Variants in SPAG9 observed in about 807,000 individuals in gnomAD.
SPAG9 encodes C-Jun-amino-terminal kinase-interacting protein 4.
Under a neutral mutation model 166.5 loss-of-function variants are expected in SPAG9, and 35 were observed. The ratio of observed to expected loss-of-function variants is 0.21; its 90% confidence interval spans 0.16 to 0.28. SPAG9 has a LOEUF of 0.28. SPAG9 is among the 10% of genes least tolerant of loss of function. The probability of loss-of-function intolerance (pLI) is 1.00; values close to 1 mark genes in which losing one functional copy is unlikely to be tolerated. For synonymous variants in SPAG9, 534 were observed against 565.5 expected, an observed-to-expected ratio of 0.94 and a Z score of 0.79; for missense variants, 1,235 against 1,603.3, an observed-to-expected ratio of 0.77 and a Z score of 3.92.
intron 1 of SPAG9, among the ~76,000 whole-genome samples, chr17:51,106,102 TACACACACACACACACACACACACAC>T: frequency 9.0e-6 from 1 of 110,654 alleles, no homozygotes; most frequent in Non-Finnish European, 1.8e-5. Context: ...CCCCCATCTC[TACACACACACACACACACACACACAC>T]ACACACACAC....
chr17:51,006,247 A>C lies in SPAG9; in HGVS notation c.1272-10T>G. 6.2e-7 allele frequency: 1 copy of C among 1,612,366 alleles called. No homozygotes were observed. Among genetic ancestry groups the C allele is most frequent in the Non-Finnish European group, 8.5e-7 (1 of 1,178,944 alleles). Reference sequence around the variant, plus strand: ...TATGTTCAAAGCATTTCTAAGAAACACATATTTCAAGTGCATCATTACAAA... The same window carrying C: ...TATGTTCAAAGCATTTCTAAGAAACCCATATTTCAAGTGCATCATTACAAA... On this transcript the variant is annotated splice_polypyrimidine_tract_variant and intron_variant, in intron 10 of 29. Coordinates refer to ENST00000262013, the MANE Select transcript of SPAG9 (RefSeq NM_001130528.3).
intron 18 of SPAG9, 103 bp downstream of exon 18, chr17:50,994,954 C>T (rs191576982): frequency 1.3e-6 from 1 of 762,320 alleles, no homozygotes; most frequent in East Asian, 2.5e-5. Flanking sequence ...TAAGCCAGGG[C>T]ATAGTAATCC....
At chr17:51,101,294 C>A (rs976796285) in intron 1 of SPAG9, among the ~76,000 whole-genome samples, 1 of 143,296 alleles carries the variant, frequency 7.0e-6, no homozygotes, top group African/African-American at 2.6e-5. Context: ...TACAGTGAGC[C>A]GAGATCGCAC....
intron 1 of SPAG9, among the ~76,000 whole-genome samples, chr17:51,099,394 T>C (rs566572640): frequency 1.4e-4 from 20 of 145,056 alleles, no homozygotes; most frequent in Non-Finnish European, 2.4e-4. Flanking sequence ...GATAGCGCCA[T>C]TGCACTCCAG....
intron 21 of SPAG9, among the ~76,000 whole-genome samples, chr17:50,989,164 C>A (rs1975320633): frequency 6.6e-6 from 1 of 152,120 alleles, no homozygotes; most frequent in Non-Finnish European, 1.5e-5. Flanking sequence ...GGTGGTGGTT[C>A]CACAAGATTA....
At position 51,047,398 on chromosome 17, in the gene SPAG9, T is replaced by C; in HGVS notation, c.567A>G (p.Glu189=). The part of the protein sequence containing the change: ...LHQLSGSDQL[E]STAHSRIRKE... Reference sequence around the variant, plus strand: ...ACCTAATTCTACTATGAGCTGTGGATTCTAGTTGATCACTCCCTGAGAGCT... The same window carrying C: ...ACCTAATTCTACTATGAGCTGTGGACTCTAGTTGATCACTCCCTGAGAGCT... Residue 189 remains glutamate, a synonymous_variant, in exon 4 of 30, where the codon GAA becomes GAG. Coordinates refer to ENST00000262013, the MANE Select transcript of SPAG9 (RefSeq NM_001130528.3). The C allele has an allele frequency of 6.3e-7, 1 of 1,588,274 alleles. No homozygotes were observed. Among genetic ancestry groups the C allele is most frequent in the Non-Finnish European group, 8.6e-7 (1 of 1,163,978 alleles).
intron 1 of SPAG9, among the ~76,000 whole-genome samples, chr17:51,102,844 G>A (rs559977120): frequency 2.0e-5 from 3 of 152,056 alleles, no homozygotes; most frequent in Admixed American, 6.6e-5. Context: ...ATGGGGTCTC[G>A]CTATGTTGCC....
At chr17:51,082,948 CA>C (rs2048208008) in intron 1 of SPAG9, among the ~76,000 whole-genome samples, 1 of 152,094 alleles carries the variant, frequency 6.6e-6, no homozygotes, top group Non-Finnish European at 1.5e-5. Context: ...TGATTTGAAC[CA>C]AACTGAGATG....
chr17:51,119,619 A>G (rs528714117), intron 1 of SPAG9, among the ~76,000 whole-genome samples: 1 of 152,296 alleles, frequency 6.6e-6, no homozygotes, highest in East Asian at 1.9e-4. Context: ...AGTGTTGCCA[A>G]CTGTCACCTA....
At chr17:51,112,579 G>A (rs2049145399) in intron 1 of SPAG9, among the ~76,000 whole-genome samples, 1 of 143,266 alleles carries the variant, frequency 7.0e-6, no homozygotes, top group Non-Finnish European at 1.5e-5. Flanking sequence ...GCTGAAGCAA[G>A]AGAATCGCTT....
intron 1 of SPAG9, among the ~76,000 whole-genome samples, chr17:51,091,331 T>C (rs1257962196): frequency 2.0e-5 from 3 of 151,000 alleles, no homozygotes; most frequent in Non-Finnish European, 4.4e-5. Context: ...TAGTCATTAA[T>C]GATTTAATGT....
intron 21 of SPAG9, among the ~76,000 whole-genome samples, chr17:50,988,809 C>T (rs928307048): frequency 6.6e-6 from 1 of 152,220 alleles, no homozygotes; most frequent in Admixed American, 6.5e-5. Context: ...CCTGCTCAGA[C>T]TCCCAAAGTG....
intron 16 of SPAG9, 129 bp downstream of exon 16, chr17:50,996,436 A>C (rs2044683298): frequency 3.3e-5 from 34 of 1,039,780 alleles, no homozygotes; most frequent in Non-Finnish European, 4.6e-5. Context: ...TCCATGCTTA[A>C]ATGTGTGCCC....
At chr17:51,024,886 T>G (rs1196044976) in intron 6 of SPAG9, among the ~76,000 whole-genome samples, 2 of 147,974 alleles carry the variant, frequency 1.4e-5, no homozygotes, top group Non-Finnish European at 3.0e-5. Context: ...GATCTCATAT[T>G]AAATGTTCTT....
intron 1 of SPAG9, among the ~76,000 whole-genome samples, chr17:51,082,377 CAAAAAAA>C (rs773287286): frequency 4.1e-5 from 2 of 48,940 alleles, no homozygotes; most frequent in African/African-American, 7.4e-5. Context: ...AAGACTGTCT[CAAAAAAA>C]AAAAAAAAAA....
intron 5 of SPAG9, among the ~76,000 whole-genome samples, chr17:51,037,665 T>TTATATATATATATA (rs59365716): frequency 9.3e-4 from 86 of 92,906 alleles, no homozygotes; most frequent in African/African-American, 2.7e-3. Flanking sequence ...TATATGTGTT[T>TTATATATATATATA]TATATATATA....
At chr17:51,005,116 C>G in intron 12 of SPAG9, 96 bp downstream of exon 12, 1 of 1,020,348 alleles carries the variant, frequency 9.8e-7, no homozygotes, top group Non-Finnish European at 1.5e-6. Flanking sequence ...TTTTAAAAAT[C>G]TTTATAGTAT....
intron 8 of SPAG9, among the ~76,000 whole-genome samples, chr17:51,017,358 T>C (rs1457248298): frequency 6.6e-6 from 1 of 152,188 alleles, no homozygotes. Flanking sequence ...TTTAGATACC[T>C]GAAGACAAAC....
intron 1 of SPAG9, among the ~76,000 whole-genome samples, chr17:51,097,867 A>AGCTCACTGCAACCTTGACCTTCAGG (rs2048689096): frequency 6.6e-6 from 1 of 152,108 alleles, no homozygotes; most frequent in Admixed American, 6.6e-5. Context: ...ACACGATCCC[A>AGCTCACTGCAACCTTGACCTTCAGG]GCTCACTGCA....
Sources: gnomAD v4.1 joint callset for allele counts (sites outside exome capture counted in the v4.1 genomes callset) on GRCh38, gnomAD v4.1.1 for gene constraint, MANE v1.5 for transcripts, NCBI Gene and HGNC (gene_info 2026-07-23, HGNC 2026-07-21) for gene names.